HEATR3: variants seen among roughly 807,000 people sequenced by gnomAD.
The protein encoded by HEATR3 is HEAT repeat-containing protein 3.
In HEATR3, 56 loss-of-function variants were observed where a neutral mutation model predicts 72.8. That is an observed-to-expected ratio of 0.77 (90% confidence interval 0.62 to 0.96). HEATR3 has a LOEUF of 0.96. Among genes scored for constraint, HEATR3 ranks in the 40% least tolerant of loss-of-function variants. The pLI is 0.00. For synonymous variants in HEATR3, 331 were observed against 318.1 expected (o/e 1.04, Z -0.43); for missense variants, 747 against 831.4 (o/e 0.90, Z 1.25).
At chr16:50,072,469 A>G (rs1313559160) in intron 4 of HEATR3, 136 bp from the exon 5 acceptor site, 4 of 614,376 alleles carry the variant, frequency 6.5e-6, no homozygotes, top group African/African-American at 3.7e-5. Context: ...TAGTTCCTTC[A>G]TCGATAAAAA....
intron 11 of HEATR3, among the ~76,000 whole-genome samples, chr16:50,088,407 G>A (rs2037035608): frequency 6.6e-6 from 1 of 152,192 alleles, no homozygotes. Flanking sequence ...CTCCCTGGCT[G>A]TGCATTCATT....
Position 50,106,575 on chromosome 16 carries a change from C to T in HEATR3, c.*1514C>T, listed in dbSNP as rs924539241. 1.3e-5 allele frequency: 2 copies of T among 152,038 alleles called. No individual in the cohort carries two copies. Among genetic ancestry groups the T allele is most frequent in the African/African-American group, 4.8e-5 (2 of 41,394 alleles). 9.4% of individuals were successfully genotyped at this position (152,038 alleles called of 1,614,324 possible). ...GTGTCTTCGAAGTACTAGGTGACAGCTGGGGCTCGAGGGAGTTTCCCTGTG... is the reference window on the plus strand; with the variant it reads ...GTGTCTTCGAAGTACTAGGTGACAGTTGGGGCTCGAGGGAGTTTCCCTGTG... On this transcript the variant is annotated 3_prime_UTR_variant, in exon 15 of 15. Coordinates refer to ENST00000299192, the MANE Select transcript of HEATR3 (RefSeq NM_182922.4).
chr16:50,076,992 C>T (rs1469834868), intron 6 of HEATR3, among the ~76,000 whole-genome samples: 15 of 151,726 alleles, frequency 9.9e-5, no homozygotes, highest in African/African-American at 3.1e-4. Context: ...CTCAGCCTCC[C>T]GAGTAGCTGG....
At chr16:50,092,497 C>T (rs1475206211) in intron 11 of HEATR3, among the ~76,000 whole-genome samples, 3 of 132,262 alleles carry the variant, frequency 2.3e-5, no homozygotes, top group Non-Finnish European at 4.6e-5. Flanking sequence ...AGTGCAGTGG[C>T]GCGATCTCGG....
Position 50,072,681 on chromosome 16 carries a change from T to G in HEATR3, c.589T>G (p.Phe197Val). ...LEIVLKYLSR[F>V]PTNVDLAISV... ...GATTGTGTTAAAGTATTTAAGTAGG[T>G]TTCCTACCAATGTTGACCTGGCTAT... Residue 197 changes from phenylalanine (F) to valine (V), a missense_variant, in exon 5 of 15, where the codon TTT becomes GTT. Coordinates refer to ENST00000299192, the MANE Select transcript of HEATR3 (RefSeq NM_182922.4). 1.2e-6 allele frequency: 2 copies of G among 1,604,836 alleles called. No homozygotes were observed. The highest frequency in any genetic ancestry group is 2.7e-5 in the African/African-American group (2 of 74,918).
At position 50,088,427 on chromosome 16, in the gene HEATR3, G is replaced by T. The variant is rs1197531878; in HGVS notation, c.1510+2076G>T. 2.6e-5 allele frequency among the ~76,000 whole-genome samples: 4 copies of T among 152,192 alleles called. No individual in the cohort carries two copies. The East Asian group carries it at 7.7e-4, about 29-fold the overall frequency. On this transcript the variant is annotated intron_variant, in intron 11 of 14. Transcript: ENST00000299192. ...TGGCTGTGCATTCATTGGCTGGAAT[G>T]ATCCCATGAAAGCTGTGCCCAGCCA... is the stretch of plus-strand genomic sequence containing the variant.
intron 11 of HEATR3, among the ~76,000 whole-genome samples, chr16:50,089,763 A>G (rs1209946891): frequency 6.6e-6 from 1 of 151,904 alleles, no homozygotes; most frequent in Non-Finnish European, 1.5e-5. Context: ...CTGCCCCCCA[A>G]GTTCAAGCAA....
chr16:50,085,935 G>T (rs550905330), intron 10 of HEATR3, among the ~76,000 whole-genome samples: 9 of 152,118 alleles, frequency 5.9e-5, no homozygotes, highest in African/African-American at 2.2e-4. Flanking sequence ...GGCTGAGGCA[G>T]GAGGATCACT....
intron 12 of HEATR3, among the ~76,000 whole-genome samples, chr16:50,097,085 G>T (rs2037255868): frequency 8.6e-5 from 13 of 151,896 alleles, no homozygotes; most frequent in Admixed American, 8.5e-4. Context: ...TTTATTTTTT[G>T]TATTTATAAT....
In HEATR3 at chr16:50,072,629, T is replaced by C. The variant is rs771533568; in HGVS notation, c.537T>C (p.Ser179=). The C allele has an allele frequency of 2.4e-5, 39 of 1,609,420 alleles. No individual in the cohort carries two copies. The East Asian group carries it at 3.1e-4, about 13-fold the overall frequency. Residue 179 remains serine, a synonymous_variant, in exon 5 of 15, where the codon TCT becomes TCC. Coordinates refer to ENST00000299192, the MANE Select transcript of HEATR3 (RefSeq NM_182922.4). ...NICECSSRAV[S]IFNKEGCLEI... Reference sequence around the variant, plus strand: ...GTGAATGCAGTAGTAGAGCAGTGTCTATATTCAACAAAGAAGGGTGTTTGG... The same window carrying C: ...GTGAATGCAGTAGTAGAGCAGTGTCCATATTCAACAAAGAAGGGTGTTTGG...
chr16:50,095,550 T>G (rs2037216908), intron 12 of HEATR3, among the ~76,000 whole-genome samples: 2 of 151,862 alleles, frequency 1.3e-5, no homozygotes, highest in African/African-American at 4.8e-5. Context: ...TTTTAAACAT[T>G]CCTAAAAGCA....
intron 2 of HEATR3, among the ~76,000 whole-genome samples, chr16:50,067,136 T>A (rs1302701427): frequency 6.6e-6 from 1 of 152,120 alleles, no homozygotes; most frequent in African/African-American, 2.4e-5. Flanking sequence ...GGAGGATCAC[T>A]GGAGGCCAGG....
intron 2 of HEATR3, among the ~76,000 whole-genome samples, chr16:50,067,288 G>A (rs1263795521): frequency 2.6e-5 from 4 of 151,860 alleles, no homozygotes; most frequent in Admixed American, 6.6e-5. Context: ...CCAGGAGTTC[G>A]AGGCTGCAGT....
intron 6 of HEATR3, 78 bp downstream of exon 6, chr16:50,075,789 T>C: frequency 7.9e-7 from 1 of 1,271,078 alleles, no homozygotes; most frequent in Non-Finnish European, 1.1e-6. Flanking sequence ...AATTTAGTCA[T>C]TCATTTCAAC....
chr16:50,087,159 C>T (rs990897482), intron 11 of HEATR3, among the ~76,000 whole-genome samples: 1 of 151,944 alleles, frequency 6.6e-6, no homozygotes. Context: ...TATAAGAGAG[C>T]GTGTGTATGC....
intron 11 of HEATR3, among the ~76,000 whole-genome samples, chr16:50,093,492 A>C (rs1313468209): frequency 6.6e-6 from 1 of 152,144 alleles, no homozygotes; most frequent in Non-Finnish European, 1.5e-5. Flanking sequence ...TTGGTTTTAC[A>C]ACTTGGAAAT....
intron 14 of HEATR3, 80 bp from the exon 15 acceptor site, chr16:50,104,859 C>T: frequency 3.1e-6 from 4 of 1,285,920 alleles, no homozygotes; most frequent in Non-Finnish European, 4.2e-6. Flanking sequence ...TGGTTAAATA[C>T]ACCCTAAATT....
In HEATR3 at chr16:50,068,345, T is replaced by C. The variant is rs936090669; in HGVS notation, c.312-435T>C. ...TTTTAGAAACGGGGTCTCCCGCTGTTCCTAGGCTGGTCTTGAATTCCTGAG... is the reference window on the plus strand; with the variant it reads ...TTTTAGAAACGGGGTCTCCCGCTGTCCCTAGGCTGGTCTTGAATTCCTGAG... On this transcript the variant is annotated intron_variant, in intron 2 of 14. Coordinates refer to ENST00000299192, the MANE Select transcript of HEATR3 (RefSeq NM_182922.4). 3.3e-5 allele frequency among the ~76,000 whole-genome samples: 5 copies of C among 152,296 alleles called. No homozygotes were observed. In the South Asian group the frequency reaches 1.0e-3, roughly 32 times the overall value.
rs112876681 is a variant in HEATR3 at position 50,068,784 on chromosome 16, C to A, written c.316C>A (p.Leu106Ile). 7 of 1,612,720 alleles carry A rather than the reference C, an allele frequency of 4.3e-6. No individual in the cohort carries two copies. Among genetic ancestry groups the A allele is most frequent in the Middle Eastern group, 1.6e-4 (1 of 6,062 alleles). The change falls in exon 3 of 15, where the codon CTC (leucine) becomes ATC (isoleucine). Residue 106 changes from leucine (L) to isoleucine (I), a missense_variant. By Grantham distance (5) the Leu-to-Ile change is conservative (BLOSUM62 2). Transcript: ENST00000299192. ...RETAAGALRN[L>I]SACGGFEVCD... ...TGTTTTAAACTTCTTGTGTAGAAAT[C>A]TCAGTGCTTGTGGAGGTTTTGAAGT...
Sources: gnomAD v4.1 joint callset for allele counts (sites outside exome capture counted in the v4.1 genomes callset) on GRCh38, gnomAD v4.1.1 for gene constraint, MANE v1.5 for transcripts, NCBI Gene and HGNC (gene_info 2026-07-23, HGNC 2026-07-21) for gene names.